POLR1A: variants seen among roughly 807,000 people sequenced by gnomAD.
POLR1A encodes DNA-directed RNA polymerase I subunit RPA1.
POLR1A carries 84 observed loss-of-function variants against 205.3 expected under a neutral mutation model. The observed-to-expected ratio is 0.41, with a 90% CI of 0.34 to 0.49. POLR1A has a LOEUF of 0.49. Ranked by LOEUF, POLR1A falls within the 20% of genes least tolerant of loss-of-function variation. The pLI, the probability that POLR1A is intolerant of heterozygous loss-of-function variation, is 0.22. For missense variants in POLR1A, 1,645 were observed against 2,204.5 expected (o/e 0.75, Z 5.08); for synonymous variants, 799 against 863.7 (o/e 0.93, Z 1.31).
In POLR1A at chr2:86,023,612, A is replaced by G. The variant is rs1323674428; in HGVS notation, c.*3811T>C. The G allele has an allele frequency of 9.9e-5, 15 of 152,200 alleles. No homozygotes were observed. The highest frequency in any genetic ancestry group is 9.8e-4 in the Admixed American group (15 of 15,276). The allele number at this position is 152,200 out of a possible 1,614,324, so 9.4% of individuals were successfully genotyped here. A position where few individuals can be genotyped will look rare whatever the true frequency, so the allele number is the denominator to read the frequency against. On this transcript the variant is annotated 3_prime_UTR_variant, in exon 34 of 34. Transcript: ENST00000263857. ...GATGTGGAGAAATTGAAATTGTTGT[A>G]CACCGTTGGTGGGAACATAAAATGG...
intron 19 of POLR1A, 46 bp downstream of exon 19, chr2:86,047,119 G>T: frequency 7.7e-7 from 1 of 1,305,290 alleles, no homozygotes; most frequent in South Asian, 1.2e-5. Context: ...TCCCCCACCT[G>T]CCTTTGCTGA....
At chr2:86,098,500 T>A (rs1673749395) in intron 3 of POLR1A, 111 bp downstream of exon 3, 1 of 1,060,484 alleles carries the variant, frequency 9.4e-7, no homozygotes, top group Admixed American at 2.3e-5. Context: ...GATATAAAGA[T>A]CAAACGTTCT....
intron 16 of POLR1A, among the ~76,000 whole-genome samples, chr2:86,050,184 G>A (rs1210265829): frequency 6.6e-6 from 1 of 152,148 alleles, no homozygotes; most frequent in Non-Finnish European, 1.5e-5. Flanking sequence ...CCAAAGTGCT[G>A]GGATTGCAGG....
At chr2:86,066,334 T>C (rs1296827569) in intron 13 of POLR1A, among the ~76,000 whole-genome samples, 1 of 152,170 alleles carries the variant, frequency 6.6e-6, no homozygotes, top group African/African-American at 2.4e-5. Flanking sequence ...ATCTACCAGA[T>C]GCCAAAAAGA....
intron 14 of POLR1A, among the ~76,000 whole-genome samples, chr2:86,058,402 T>G (rs1202587976): frequency 6.7e-6 from 1 of 148,964 alleles, no homozygotes; most frequent in Non-Finnish European, 1.5e-5. Flanking sequence ...CCCAGCCTTT[T>G]TTTTTTTTTT....
chr2:86,080,685 A>C (rs1265569626), intron 9 of POLR1A, 131 bp downstream of exon 9: 1 of 816,048 alleles, frequency 1.2e-6, no homozygotes, highest in East Asian at 2.8e-5. Flanking sequence ...CCCAGAGCTC[A>C]CACTAAGGCT....
In POLR1A at chr2:86,080,975, A is replaced by G. The variant is rs1476818769; in HGVS notation, c.927T>C (p.Tyr309=). 7 of 1,611,046 alleles carry G rather than the reference A, an allele frequency of 4.3e-6. No individual in the cohort carries two copies. Among genetic ancestry groups the G allele is most frequent in the Non-Finnish European group, 5.9e-6 (7 of 1,178,462 alleles). Residue 309 remains tyrosine, a synonymous_variant, in exon 9 of 34, where the codon TAT becomes TAC. Coordinates refer to ENST00000263857, the MANE Select transcript of POLR1A (RefSeq NM_015425.6). ...GGTCTCCTAGGCGACTGACTGGGCG[A>G]TACCTGCAGGGGGACATACGGAATA... ...LDFLVVPPSR[Y]RPVSRLGDQM... is the part of the protein sequence containing the mutation.
chr2:86,093,785 T>C (rs1673653384), intron 3 of POLR1A, among the ~76,000 whole-genome samples: 1 of 152,202 alleles, frequency 6.6e-6, no homozygotes, highest in Non-Finnish European at 1.5e-5. Flanking sequence ...GCCGAGATAG[T>C]GCCACTGTAC....
chr2:86,046,092 G>T (rs1259909124), intron 19 of POLR1A, among the ~76,000 whole-genome samples: 1 of 152,108 alleles, frequency 6.6e-6, no homozygotes, highest in Non-Finnish European at 1.5e-5. Context: ...AGAGAGGCCT[G>T]CAGGAAACAG....
At chr2:86,029,599 CTT>C (rs35348861) in intron 31 of POLR1A, among the ~76,000 whole-genome samples, 12 of 137,660 alleles carry the variant, frequency 8.7e-5, no homozygotes, top group Admixed American at 7.3e-5. Context: ...TAATTTCTTT[CTT>C]TTTTTTTTTT....
chr2:86,052,445 C>A (rs78190716), intron 16 of POLR1A, among the ~76,000 whole-genome samples: 4 of 152,140 alleles, frequency 2.6e-5, no homozygotes, highest in Admixed American at 1.3e-4. Context: ...GCACTGTGAA[C>A]GGGAATAAGC....
intron 14 of POLR1A, among the ~76,000 whole-genome samples, chr2:86,061,840 T>C (rs1673002015): frequency 1.3e-5 from 2 of 152,100 alleles, no homozygotes; most frequent in Non-Finnish European, 2.9e-5. Context: ...GGGTAGAAAC[T>C]GGGAGGGGCC....
Position 86,041,878 on chromosome 2 carries a change from ACT to A in POLR1A, c.3572+9_3572+10del. 1 of 1,608,256 alleles carries A rather than the reference ACT, an allele frequency of 6.2e-7. No individual in the cohort carries two copies. Among genetic ancestry groups the A allele is most frequent in the Non-Finnish European group, 8.5e-7 (1 of 1,174,668 alleles). ...TCCTGCACATGTTGTGCAACAAATC[ACT>A]GTCAATACCTGTCGAGAGAAAGCTC... On this transcript the variant is annotated intron_variant, in intron 24 of 33. Coordinates refer to ENST00000263857, the MANE Select transcript of POLR1A (RefSeq NM_015425.6).
intron 13 of POLR1A, among the ~76,000 whole-genome samples, chr2:86,068,824 G>A (rs1558775953): frequency 6.6e-6 from 1 of 152,172 alleles, no homozygotes; most frequent in Admixed American, 6.5e-5. Flanking sequence ...CCGGGATGCC[G>A]GGCTCCTGGC....
rs1199708670 is a variant in POLR1A, at chr2:86,025,637, T to C, written c.*1786A>G. ...TGCGATGGTCACAGCCCTGCCAATA[T>C]GCAGGGCTTGCTCCTTCGCCTCTGC... On this transcript the variant is annotated 3_prime_UTR_variant, in exon 34 of 34. Coordinates refer to ENST00000263857, the MANE Select transcript of POLR1A (RefSeq NM_015425.6). 3.3e-5 allele frequency: 5 copies of C among 152,276 alleles called. No homozygotes were observed. Among genetic ancestry groups the C allele is most frequent in the African/African-American group, 1.2e-4 (5 of 41,472 alleles). 9.4% of individuals were successfully genotyped at this position (152,276 alleles called of 1,614,324 possible).
chr2:86,079,760 G>A (rs1024495569), intron 9 of POLR1A, among the ~76,000 whole-genome samples: 6 of 152,006 alleles, frequency 3.9e-5, no homozygotes, highest in South Asian at 2.1e-4. Flanking sequence ...ACAGGGTTTC[G>A]CCATGTTGCC....
At chr2:86,047,114 C>G (rs1180609390) in intron 19 of POLR1A, 51 bp downstream of exon 19, 47 of 1,241,766 alleles carry the variant, frequency 3.8e-5, no homozygotes, top group Non-Finnish European at 5.5e-5. Context: ...TGCTATCCCC[C>G]ACCTGCCTTT....
chr2:86,095,774 C>A (rs1485532199), intron 3 of POLR1A, among the ~76,000 whole-genome samples: 4 of 150,806 alleles, frequency 2.7e-5, no homozygotes, highest in African/African-American at 9.8e-5. Context: ...GTTACCCAGG[C>A]TGGAGTGCAG....
At chr2:86,047,327 T>C in intron 18 of POLR1A, 64 bp from the exon 19 acceptor site, 1 of 1,147,766 alleles carries the variant, frequency 8.7e-7, no homozygotes, top group Non-Finnish European at 1.3e-6. Flanking sequence ...AGAATCAGGA[T>C]GTAAATCCAG....
Sources: allele counts gnomAD v4.1 joint callset (sites outside exome capture counted in the v4.1 genomes callset), GRCh38; gene constraint gnomAD v4.1.1; transcripts MANE v1.5; gene names NCBI Gene and HGNC (gene_info 2026-07-23, HGNC 2026-07-21).